The following TJP1 variants were observed in gnomAD, a reference collection of about 807,000 sequenced individuals.
TJP1 encodes tight junction protein 1, also known as tight junction protein ZO-1.
Under a neutral mutation model 194.2 loss-of-function variants are expected in TJP1, and 43 were observed. The observed-to-expected ratio is 0.22, with a 90% confidence interval of 0.17 to 0.29. The LOEUF is 0.29. TJP1 is among the 10% of genes least tolerant of loss of function. The pLI, the probability that TJP1 is intolerant of heterozygous loss-of-function variation, is 1.00. For missense variants in TJP1, 1,971 were observed against 2,185.7 expected, an observed-to-expected ratio of 0.90 and a Z score of 1.96; for synonymous variants, 801 against 779.0, an observed-to-expected ratio of 1.03 and a Z score of -0.47.
At chr15:29,961,334 CTTTTTTTTTTTTT>C (rs5811594) in intron 1 of TJP1, among the ~76,000 whole-genome samples, 1 of 89,818 alleles carries the variant, frequency 1.1e-5, no homozygotes, top group Non-Finnish European at 1.9e-5. Context: ...TTTCCTAATT[CTTTTTTTTTTTTT>C]TTTTTTTTTT....
chr15:29,949,095 C>T (rs1404824665), intron 2 of TJP1, among the ~76,000 whole-genome samples: 1 of 151,152 alleles, frequency 6.6e-6, no homozygotes. Context: ...TCCTTCACCA[C>T]CACCTCCACC....
intron 6 of TJP1, 121 bp from the exon 7 acceptor site, chr15:29,761,890 A>G (rs937943413): frequency 2.2e-6 from 2 of 903,614 alleles, no homozygotes; most frequent in Non-Finnish European, 1.6e-6. Flanking sequence ...TATTCTCTCT[A>G]CACTTTTCCA....
exon 2 of TJP1, chr15:29,956,281 C>A: frequency 7.8e-7 from 1 of 1,289,036 alleles, no homozygotes; most frequent in Non-Finnish European, 1.0e-6. Context: ...TCTGTGTAAT[C>A]TCCCTTTAAT....
chr15:29,795,672 G>A (rs950075992), intron 2 of TJP1, among the ~76,000 whole-genome samples: 2 of 152,008 alleles, frequency 1.3e-5, no homozygotes, highest in Non-Finnish European at 2.9e-5. Flanking sequence ...CCAACTCCTT[G>A]TTTTGAGGTA....
intron 8 of TJP1, among the ~76,000 whole-genome samples, chr15:29,757,664 C>T (rs2045730214): frequency 6.6e-6 from 1 of 152,250 alleles, no homozygotes; most frequent in East Asian, 1.9e-4. Flanking sequence ...GAATTAAATT[C>T]TCACCACAAA....
rs762510580 is a variant in TJP1, at chr15:29,719,092, T to C, written c.3050A>G (p.His1017Arg). ...ACTAACGGCTGGCTGTTTCAAAACA[T>C]GGTTCTGCCTCATCATTTCCTCGGG... ...PYPEEMMRQN[H>R]VLKQPAVSHP... Residue 1017 changes from histidine to arginine, a missense_variant, in exon 21 of 28, where the codon CAT (histidine) becomes CGT (arginine). Around this residue, in one of 5 missense-constraint regions of TJP1, gnomAD observed 1,108 missense variants for 1,128.5 expected, o/e 0.98. Transcript: ENST00000614355. The C allele has an allele frequency of 9.9e-6, 16 of 1,613,892 alleles. No homozygotes were observed. In the Admixed American group the frequency reaches 2.2e-4, roughly 22 times the overall value.
chr15:29,942,898 T>G (rs1482302411), intron 2 of TJP1, among the ~76,000 whole-genome samples: 1 of 152,240 alleles, frequency 6.6e-6, no homozygotes, highest in Non-Finnish European at 1.5e-5. Flanking sequence ...CTTCCTTTTT[T>G]TTAAGTGAAT....
intron 2 of TJP1, among the ~76,000 whole-genome samples, chr15:29,930,240 T>A (rs758006398): frequency 1.3e-5 from 2 of 152,120 alleles, no homozygotes; most frequent in Non-Finnish European, 2.9e-5. Flanking sequence ...TATTCCCAAC[T>A]CATATAATGA....
chr15:29,749,647 C>T (rs2045111354), intron 8 of TJP1, among the ~76,000 whole-genome samples: 1 of 152,168 alleles, frequency 6.6e-6, no homozygotes. Flanking sequence ...GATACCTCCC[C>T]AGCACATGGG....
chr15:29,842,493 C>T (rs535711292), intron 2 of TJP1, among the ~76,000 whole-genome samples: 1 of 152,180 alleles, frequency 6.6e-6, no homozygotes, highest in East Asian at 1.9e-4. Context: ...ACACTGGGAC[C>T]AAGCAGACAC....
chr15:29,852,218 C>T (rs1269925323), intron 2 of TJP1, among the ~76,000 whole-genome samples: 1 of 152,098 alleles, frequency 6.6e-6, no homozygotes, highest in Non-Finnish European at 1.5e-5. Context: ...TATTTGTAAA[C>T]CACATATCTG....
intron 18 of TJP1, 53 bp from the exon 19 acceptor site, chr15:29,720,761 T>C: frequency 7.2e-7 from 1 of 1,396,812 alleles, no homozygotes; most frequent in African/African-American, 1.4e-5. Context: ...CTTTAAGAGA[T>C]GGCCTTTATC....
rs753175465 is a variant in TJP1, at chr15:29,732,544, C to A, written c.1922-16G>T. On this transcript the variant is annotated splice_polypyrimidine_tract_variant and intron_variant, in intron 14 of 27. Transcript: ENST00000614355. ...AGAAATCCAGCTGGAGAGAAATTCA[C>A]ATGAAAAACAGCATATTTTATACCT... The A allele has an allele frequency of 6.2e-7, 1 of 1,613,888 alleles. No homozygotes were observed. Among genetic ancestry groups the A allele is most frequent in the South Asian group, 1.1e-5 (1 of 91,064 alleles).
intron 2 of TJP1, among the ~76,000 whole-genome samples, chr15:29,885,267 G>T (rs561193569): frequency 6.6e-6 from 1 of 152,268 alleles, no homozygotes; most frequent in Non-Finnish European, 1.5e-5. Flanking sequence ...TCTCCCTGGG[G>T]TCAGAAAATG....
At chr15:29,914,688 G>A (rs2054127981) in intron 2 of TJP1, among the ~76,000 whole-genome samples, 1 of 152,080 alleles carries the variant, frequency 6.6e-6, no homozygotes. Context: ...GACCTCCGGG[G>A]AGAGTATCTG....
intron 2 of TJP1, among the ~76,000 whole-genome samples, chr15:29,876,184 T>C (rs2052692083): frequency 6.6e-6 from 1 of 152,150 alleles, no homozygotes; most frequent in South Asian, 2.1e-4. Flanking sequence ...CAGGATGGCT[T>C]TGAATGCAGC....
At chr15:29,719,203 T>TA in intron 20 of TJP1, 65 bp from the exon 21 acceptor site, 5 of 1,433,264 alleles carry the variant, frequency 3.5e-6, no homozygotes, top group Non-Finnish European at 4.7e-6. Flanking sequence ...TTTATTAGAC[T>TA]GTGATTAAAT....
At position 29,711,121 on chromosome 15, in the gene TJP1, T is replaced by C. The variant is rs1425955817; in HGVS notation, c.4203-121A>G. 5 of 1,184,060 alleles carry C rather than the reference T, an allele frequency of 4.2e-6. No individual in the cohort carries two copies. In the African/African-American group the frequency reaches 7.7e-5, roughly 18 times the overall value. 73.3% of individuals were successfully genotyped at this position (1,184,060 alleles called of 1,614,324 possible). ...AAACTAGAAATTTCACAATTTATTC[T>C]CATGAGTATGGGTAGCTACTCTACC... On this transcript the variant is annotated intron_variant, in intron 23 of 27. Coordinates refer to ENST00000614355, the MANE Select transcript of TJP1 (RefSeq NM_001330239.4).
At chr15:29,754,021 A>C (rs2045481294) in intron 8 of TJP1, among the ~76,000 whole-genome samples, 1 of 152,196 alleles carries the variant, frequency 6.6e-6, no homozygotes, top group African/African-American at 2.4e-5. Flanking sequence ...GAAACTCACC[A>C]ATCAGGGTAT....
Sources: gnomAD v4.1 joint callset for allele counts (sites outside exome capture counted in the v4.1 genomes callset) on GRCh38, gnomAD v4.1.1 for gene constraint, gnomAD v4.1.1 regional missense constraint, MANE v1.5 for transcripts, NCBI Gene and HGNC (gene_info 2026-07-23, HGNC 2026-07-21) for gene names.